The following ZNF362 variants were observed in gnomAD, a reference collection of about 807,000 sequenced individuals.
ZNF362 encodes the protein zinc finger protein 362.
A neutral mutation model predicts 42.9 loss-of-function variants in ZNF362; 11 were observed. The ratio of observed to expected loss-of-function variants is 0.26; its 90% confidence interval spans 0.16 to 0.42. The LOEUF is 0.42. Ranked by LOEUF, ZNF362 falls within the 20% of genes least tolerant of loss-of-function variation. The pLI is 1.00. For missense variants in ZNF362, 362 were observed against 576.2 expected (o/e 0.63, Z 3.81); for synonymous variants, 255 against 257.3 (o/e 0.99, Z 0.09).
In ZNF362 at chr1:33,280,035, T is replaced by C. The variant is rs1645979855; in HGVS notation, c.350-89T>C. The C allele has an allele frequency of 2.1e-6, 3 of 1,452,280 alleles. No individual in the cohort carries two copies. The African/African-American group carries it at 4.3e-5, about 21-fold the overall frequency. 90.0% of individuals were successfully genotyped at this position (1,452,280 alleles called of 1,614,324 possible). On this transcript the variant is annotated intron_variant, in intron 4 of 8. Coordinates refer to ENST00000539719, the MANE Select transcript of ZNF362 (RefSeq NM_152493.3). The surrounding 1 kb of genome is among the most constrained non-coding windows in gnomAD (Gnocchi z 5.6). Reference sequence around the variant, plus strand: ...TAACTTATGAACGTTAAGGGGATGCTCGCCTGCCAAAATCACATAGCTGGG... The same window carrying C: ...TAACTTATGAACGTTAAGGGGATGCCCGCCTGCCAAAATCACATAGCTGGG...
At chr1:33,145,209 C>A in the ZNF362 span, among the ~76,000 whole-genome samples, 1 of 152,156 alleles carries the variant, frequency 6.6e-6, no homozygotes, top group African/African-American at 2.4e-5. Context: ...GTGGCACTTG[C>A]CAGCATGGGA....
the ZNF362 span, among the ~76,000 whole-genome samples, chr1:33,250,842 G>GA: frequency 8.1e-6 from 1 of 123,854 alleles, no homozygotes. Flanking sequence ...GAAGAAGAAA[G>GA]AAGAAAGAAG....
the ZNF362 span, among the ~76,000 whole-genome samples, chr1:33,233,795 G>A: frequency 2.8e-4 from 42 of 152,210 alleles, 1 homozygote; most frequent in African/African-American, 7.7e-4. Context: ...GTGCAGTGCC[G>A]TGGTCCAGAG....
intron 1 of ZNF362, among the ~76,000 whole-genome samples, chr1:33,259,188 A>G (rs1645813330): frequency 6.6e-6 from 1 of 152,156 alleles, no homozygotes; most frequent in Non-Finnish European, 1.5e-5. Flanking sequence ...CCTCTGTGAC[A>G]CTCAGAGGGA....
rs901637498 is a variant in ZNF362, at chr1:33,281,019, A to T, written c.683+562A>T. Reference sequence around the variant, plus strand: ...GGGAGGCAGAGGCTGCAGTGAGCCGAGGTCGGGCCACTGCACTCCAACCTG... The same window carrying T: ...GGGAGGCAGAGGCTGCAGTGAGCCGTGGTCGGGCCACTGCACTCCAACCTG... On this transcript the variant is annotated intron_variant, in intron 5 of 8. Coordinates refer to ENST00000539719, the MANE Select transcript of ZNF362 (RefSeq NM_152493.3). The surrounding 1 kb of genome is among the most constrained non-coding windows in gnomAD (Gnocchi z 4.8). 2.6e-5 allele frequency among the ~76,000 whole-genome samples: 4 copies of T among 152,148 alleles called. No individual in the cohort carries two copies. The highest frequency in any genetic ancestry group is 6.5e-5 in the Admixed American group (1 of 15,276).
At chr1:33,155,591 G>A in the ZNF362 span, among the ~76,000 whole-genome samples, 15 of 152,280 alleles carry the variant, frequency 9.9e-5, no homozygotes, top group South Asian at 2.1e-4. Flanking sequence ...GGGGCCCGAC[G>A]TTGGGGTTTA....
At chr1:33,246,322 G>A in the ZNF362 span, among the ~76,000 whole-genome samples, 9 of 152,146 alleles carry the variant, frequency 5.9e-5, no homozygotes, top group Non-Finnish European at 1.3e-4. Context: ...GTTCTCTTGG[G>A]TGGGGCCGTG....
chr1:33,169,398 T>C, the ZNF362 span, among the ~76,000 whole-genome samples: 1 of 152,148 alleles, frequency 6.6e-6, no homozygotes, highest in Non-Finnish European at 1.5e-5. Flanking sequence ...CTGCCTCTGG[T>C]TCGGTTTTTA....
the ZNF362 span, among the ~76,000 whole-genome samples, chr1:33,204,254 G>C: frequency 2.6e-5 from 4 of 151,834 alleles, no homozygotes; most frequent in African/African-American, 9.7e-5. Context: ...TGTCTTCTTG[G>C]TACCCTTGTC....
the ZNF362 span, among the ~76,000 whole-genome samples, chr1:33,179,107 G>A: frequency 6.6e-6 from 1 of 152,262 alleles, no homozygotes; most frequent in Non-Finnish European, 1.5e-5. Flanking sequence ...ATGATGAAGA[G>A]GTTGGACAGA....
chr1:33,178,174 C>T, the ZNF362 span, among the ~76,000 whole-genome samples: 1 of 152,198 alleles, frequency 6.6e-6, no homozygotes, highest in Non-Finnish European at 1.5e-5. Flanking sequence ...TCCTGTTTCC[C>T]CATCTGTCAA....
chr1:33,282,233 T>G (rs901417017), intron 6 of ZNF362, among the ~76,000 whole-genome samples: 3 of 152,166 alleles, frequency 2.0e-5, no homozygotes, highest in Non-Finnish European at 4.4e-5. Context: ...CCCACCTCAC[T>G]CAATCTACTG....
chr1:33,295,430 A>G, intron 8 of ZNF362, 125 bp downstream of exon 8: 1 of 1,235,602 alleles, frequency 8.1e-7, no homozygotes, highest in Non-Finnish European at 1.1e-6. Flanking sequence ...AGGCCTAGAG[A>G]AGGGAAGTGA....
rs766172709 is a variant in ZNF362, at chr1:33,280,191, C to CACGGGT, written c.420_425dup (p.Gly141_Thr142dup). On this transcript the variant is annotated inframe_insertion, in exon 5 of 9. Transcript: ENST00000539719. This position sits in a 1 kb window ranked among gnomAD's most constrained non-coding sequence, Gnocchi z 5.6. The stretch of plus-strand genomic sequence containing the variant: ...AGTCAAGCGCGGGCGCGGGCACGGG[C>CACGGGT]ACGGGTACCAGCACCCCGTCCACAC... 4 of 1,612,998 alleles carry CACGGGT rather than the reference C, an allele frequency of 2.5e-6. No homozygotes were observed. The Admixed American group carries it at 5.0e-5, about 20-fold the overall frequency.
chr1:33,256,935 T>C (rs778195041), intron 1 of ZNF362, among the ~76,000 whole-genome samples: 47 of 149,316 alleles, frequency 3.1e-4, no homozygotes, highest in Non-Finnish European at 4.6e-4. Flanking sequence ...TGCGCGCGCG[T>C]GTGTGTGTGT....
chr1:33,214,661 A>G, the ZNF362 span, among the ~76,000 whole-genome samples: 2 of 152,356 alleles, frequency 1.3e-5, no homozygotes, highest in South Asian at 4.1e-4. Flanking sequence ...AAAATGAAGT[A>G]ATTGGATTAA....
the ZNF362 span, among the ~76,000 whole-genome samples, chr1:33,207,403 A>G: frequency 2.6e-5 from 4 of 152,314 alleles, no homozygotes; most frequent in African/African-American, 9.6e-5. Flanking sequence ...TAATGCCGCA[A>G]TAAACATACC....
chr1:33,137,445 A>C, the ZNF362 span, among the ~76,000 whole-genome samples: 1 of 152,222 alleles, frequency 6.6e-6, no homozygotes, highest in African/African-American at 2.4e-5. Flanking sequence ...AATTGGATTC[A>C]ACTAATCATG....
chr1:33,295,713 C>T (rs2148139883), intron 8 of ZNF362, among the ~76,000 whole-genome samples: 1 of 152,340 alleles, frequency 6.6e-6, no homozygotes, highest in South Asian at 2.1e-4. Context: ...CAGGAAAGGC[C>T]TGAGCAGCCC....
Sources: gnomAD v4.1 joint callset for allele counts (sites outside exome capture counted in the v4.1 genomes callset) on GRCh38, gnomAD v4.1.1 for gene constraint, Gnocchi (gnomAD v3.1) non-coding constraint, MANE v1.5 for transcripts, NCBI Gene and HGNC (gene_info 2026-07-23, HGNC 2026-07-21) for gene names.